The following ARHGEF6 variants were observed in gnomAD, a reference collection of about 807,000 sequenced individuals.
ARHGEF6 encodes the protein rho guanine nucleotide exchange factor 6.
Under a neutral mutation model 70.3 loss-of-function variants are expected in ARHGEF6, and 9 were observed. The ratio of observed to expected loss-of-function variants is 0.13; its 90% CI spans 0.08 to 0.22. ARHGEF6 has a LOEUF of 0.22. Ranked by LOEUF, ARHGEF6 falls within the 10% of genes least tolerant of loss-of-function variation. The pLI, the probability that ARHGEF6 is intolerant of heterozygous loss-of-function variation, is 1.00. For missense variants in ARHGEF6, 470 were observed against 563.0 expected (o/e 0.83, Z 1.67); for synonymous variants, 201 against 207.8 (o/e 0.97, Z 0.28).
At chrX:136,727,282 G>A (rs930445840) in intron 6 of ARHGEF6, among the ~76,000 whole-genome samples, 1 of 109,952 alleles carries the variant, frequency 9.1e-6, no homozygotes, top group Admixed American at 9.6e-5. Context: ...TAGCAAGTCA[G>A]GTGTGTGGCC....
At chrX:136,743,535 A>G in intron 5 of ARHGEF6, 50 bp downstream of exon 5, 2 of 1,137,393 alleles carry the variant, frequency 1.8e-6, no homozygotes, top group Non-Finnish European at 2.4e-6. Flanking sequence ...TAAGAATACC[A>G]AGAAAGTACA....
chrX:136,716,744 T>C (rs1199071439), intron 6 of ARHGEF6, among the ~76,000 whole-genome samples: 1 of 112,173 alleles, frequency 8.9e-6, no homozygotes, highest in East Asian at 2.8e-4. Flanking sequence ...TAGATGGATA[T>C]TATAAGCAGA....
chrX:136,697,406 C>A (rs771258621), intron 9 of ARHGEF6, among the ~76,000 whole-genome samples: 3 of 111,816 alleles, frequency 2.7e-5, no homozygotes, highest in African/African-American at 9.8e-5. Context: ...CAGAAGAAAC[C>A]TCAAAGTCTA....
chrX:136,778,590 A>G (rs1224909476), intron 2 of ARHGEF6, among the ~76,000 whole-genome samples: 1 of 109,909 alleles, frequency 9.1e-6, no homozygotes, highest in Non-Finnish European at 1.9e-5. Flanking sequence ...CTTGGGTTCA[A>G]GCGATCCTCC....
intron 15 of ARHGEF6, 60 bp from the exon 16 acceptor site, chrX:136,679,720 A>T (rs1196650585): frequency 8.5e-7 from 1 of 1,180,643 alleles, no homozygotes; most frequent in African/African-American, 1.8e-5. Context: ...CTTGTGCCAC[A>T]CAGTGAGAGA....
intron 9 of ARHGEF6, 31 bp downstream of exon 9, chrX:136,706,877 T>G (rs749175338): frequency 8.3e-7 from 1 of 1,210,795 alleles, no homozygotes; most frequent in East Asian, 3.0e-5. Context: ...AGGATCTCAT[T>G]GCAAAAGTTG....
At chrX:136,738,492 G>C (rs1234191078) in intron 5 of ARHGEF6, among the ~76,000 whole-genome samples, 1 of 112,412 alleles carries the variant, frequency 8.9e-6, no homozygotes, top group Non-Finnish European at 1.9e-5. Context: ...AGATGAACAA[G>C]TCCCCTTGAC....
At position 136,668,329 on chromosome X, in the gene ARHGEF6, C is replaced by T. The variant is rs1342116515; in HGVS notation, c.2191-160G>A. Among the ~76,000 whole-genome samples, 3 of 110,325 alleles carry T rather than the reference C, an allele frequency of 2.7e-5. No individual in the cohort carries two copies. The East Asian group carries it at 8.5e-4, about 31-fold the overall frequency. ...CAAAGCAGCCTGTCGATTCTCCTGC[C>T]TGTCTCTGGGAAACCTTTTGGATTC... On this transcript the variant is annotated intron_variant, in intron 21 of 21. Coordinates refer to ENST00000250617, the MANE Select transcript of ARHGEF6 (RefSeq NM_004840.3).
intron 2 of ARHGEF6, among the ~76,000 whole-genome samples, chrX:136,750,043 T>C (rs977380662): frequency 8.9e-6 from 1 of 111,923 alleles, no homozygotes; most frequent in Non-Finnish European, 1.9e-5. Context: ...CAGTTATTTA[T>C]GTCTTAGTGG....
intron 14 of ARHGEF6, among the ~76,000 whole-genome samples, chrX:136,681,146 A>G (rs2076329518): frequency 8.9e-6 from 1 of 112,595 alleles, no homozygotes; most frequent in African/African-American, 3.2e-5. Context: ...TTCACCATAA[A>G]CAAACTTGCA....
At chrX:136,680,685 G>T (rs373238989) in intron 15 of ARHGEF6, 46 bp downstream of exon 15, 456 of 1,197,795 alleles carry the variant, frequency 3.8e-4, no homozygotes, top group Non-Finnish European at 4.9e-4. Context: ...GGCAGGAGTT[G>T]ACGAAAGACT....
Position 136,666,713 on chromosome X carries a change from T to C in ARHGEF6, c.*1316A>G, listed in dbSNP as rs1402131803. The C allele has an allele frequency of 8.9e-5, 10 of 111,844 alleles. No homozygotes were observed. Among genetic ancestry groups the C allele is most frequent in the Non-Finnish European group, 1.1e-4 (6 of 53,193 alleles). 9.2% of individuals were successfully genotyped at this position (111,844 alleles called of 1,213,427 possible). A position where few individuals can be genotyped will look rare whatever the true frequency, so the allele number is the denominator to read the frequency against. Reference sequence around the variant, plus strand: ...GCCTTAGGCCAACTTTCAATGGCGCTGAATTTGGATGTGTGCTGTTCTGTG... The same window carrying C: ...GCCTTAGGCCAACTTTCAATGGCGCCGAATTTGGATGTGTGCTGTTCTGTG... On this transcript the variant is annotated 3_prime_UTR_variant, in exon 22 of 22. Transcript: ENST00000250617.
At chrX:136,711,629 C>G (rs1345129180) in intron 7 of ARHGEF6, among the ~76,000 whole-genome samples, 1 of 111,776 alleles carries the variant, frequency 8.9e-6, no homozygotes, top group Non-Finnish European at 1.9e-5. Flanking sequence ...GTGGCATGAA[C>G]TTGGCGCACT....
chrX:136,778,517 CTT>C (rs749780600), intron 2 of ARHGEF6, among the ~76,000 whole-genome samples: 60 of 106,849 alleles, frequency 5.6e-4, no homozygotes, highest in African/African-American at 2.0e-3. Context: ...GACAAGGTCT[CTT>C]TCTGTCATTC....
Position 136,732,150 on chromosome X carries a change from G to T in ARHGEF6, c.684C>A (p.Ala228=). The change falls in exon 6 of 22, where the codon GCC becomes GCA. Residue 228 remains alanine (A), a synonymous_variant. Coordinates refer to ENST00000250617, the MANE Select transcript of ARHGEF6 (RefSeq NM_004840.3). The part of the protein sequence containing the change: ...KSSERPLSPK[A]VKGFETAPLT... ...GTGGAGCAGTTTCAAATCCTTTGAC[G>T]GCTTTTGGGGAGAGAGGTCTCTCTG... 1 of 1,206,177 alleles carries T rather than the reference G, an allele frequency of 8.3e-7. No homozygotes were observed. Among genetic ancestry groups the T allele is most frequent in the Non-Finnish European group, 1.1e-6 (1 of 891,199 alleles).
At chrX:136,761,221 T>C (rs956620667) in intron 2 of ARHGEF6, among the ~76,000 whole-genome samples, 2 of 111,891 alleles carry the variant, frequency 1.8e-5, no homozygotes, top group Admixed American at 9.5e-5. Context: ...CAGTTAAAAA[T>C]TGACCATGCT....
intron 9 of ARHGEF6, among the ~76,000 whole-genome samples, chrX:136,702,515 CAATT>C (rs747500195): frequency 1.1e-3 from 124 of 111,751 alleles, no homozygotes; most frequent in Non-Finnish European, 1.8e-3. Context: ...TAATCTATGA[CAATT>C]AAAAGTAAAG....
chrX:136,677,305 T>A (rs1429392431), intron 17 of ARHGEF6, among the ~76,000 whole-genome samples: 1 of 112,148 alleles, frequency 8.9e-6, no homozygotes, highest in African/African-American at 3.2e-5. Context: ...AAAAAATAAT[T>A]TTGGGTTAGA....
chrX:136,762,707 G>T (rs1190772545), intron 2 of ARHGEF6, among the ~76,000 whole-genome samples: 1 of 111,269 alleles, frequency 9.0e-6, no homozygotes, highest in Non-Finnish European at 1.9e-5. Context: ...GGTCAGGCTG[G>T]TCTTGAACTC....
Sources: allele counts gnomAD v4.1 joint callset (sites outside exome capture counted in the v4.1 genomes callset), GRCh38; gene constraint gnomAD v4.1.1; transcripts MANE v1.5; gene names NCBI Gene and HGNC (gene_info 2026-07-23, HGNC 2026-07-21).